Variants in LRP2BP observed in about 807,000 individuals in gnomAD.
LRP2BP encodes the protein LRP2-binding protein.
LRP2BP carries 38 observed loss-of-function variants against 45.2 expected under a neutral mutation model. The observed-to-expected ratio is 0.84, with a 90% CI of 0.65 to 1.10. The LOEUF is 1.10. Ranked by LOEUF, LRP2BP falls within the 50% of genes least tolerant of loss-of-function variation. The pLI, the probability that LRP2BP is intolerant of heterozygous loss-of-function variation, is 0.00. For synonymous variants in LRP2BP, 153 were observed against 153.9 expected (o/e 0.99, Z 0.04); for missense variants, 385 against 418.9 (o/e 0.92, Z 0.71).
At chr4:185,388,464 A>G (rs369152686) in intron 1 of LRP2BP, among the ~76,000 whole-genome samples, 1 of 4,494 alleles carries the variant, frequency 2.2e-4, no homozygotes, top group African/African-American at 4.9e-4. Context: ...TACCTACCTA[A>G]CCTGCCTAAC....
Position 185,377,539 on chromosome 4 carries a change from A to G in LRP2BP, c.107-521T>C, listed in dbSNP as rs865962983. On this transcript the variant is annotated intron_variant, in intron 2 of 8. Coordinates refer to ENST00000505916, the MANE Select transcript of LRP2BP (RefSeq NM_001377440.1). ...ATCTCAAAACAACAACAACAACAAC[A>G]AACAATACTTGTTGATTGGTTTCAC... The G allele has an allele frequency of 1.7e-3, 272 of 164,658 alleles. 2 individuals carry two copies. Among genetic ancestry groups the G allele is most frequent in the African/African-American group, 6.6e-3 (262 of 39,720 alleles). The allele number at this position is 164,658 out of a possible 1,614,324, so 10.2% of individuals were successfully genotyped here.
rs745682254 is a variant in LRP2BP, at chr4:185,395,602, AAC to A, written c.-847_-846del. On this transcript the variant is annotated 5_prime_UTR_variant, in exon 1 of 9. An upstream open reading frame in the 5' UTR gains an earlier in-frame stop. Coordinates refer to ENST00000505916, the MANE Select transcript of LRP2BP (RefSeq NM_001377440.1). ...ATATAAGAACGATTCTATATATTTG[AAC>A]ACACATTTATATTCAAATATTCATA... 2.1e-4 allele frequency: 203 copies of A among 979,728 alleles called. No homozygotes were observed. The highest frequency in any genetic ancestry group is 2.3e-4 in the Non-Finnish European group (189 of 824,802). 60.7% of individuals were successfully genotyped at this position (979,728 alleles called of 1,614,324 possible).
intron 1 of LRP2BP, among the ~76,000 whole-genome samples, chr4:185,384,058 G>C (rs973363147): frequency 1.3e-5 from 2 of 152,160 alleles, no homozygotes; most frequent in African/African-American, 4.8e-5. Context: ...CTTAGAGTGT[G>C]TGTCCCTCCA....
rs1355560960 is a variant in LRP2BP at position 185,367,003 on chromosome 4, G to A, written c.*177C>T. 5.2e-6 allele frequency: 3 copies of A among 576,340 alleles called. No homozygotes were observed. The African/African-American group carries it at 5.6e-5, about 11-fold the overall frequency. 35.7% of individuals were successfully genotyped at this position (576,340 alleles called of 1,614,324 possible). ...TTCCAGCAATTTGACCTTGTGTCTA[G>A]GTTTCAAGTTGCAAAACTTAACAGC... is the stretch of plus-strand genomic sequence containing the variant. On this transcript the variant is annotated 3_prime_UTR_variant, in exon 9 of 9. Coordinates refer to ENST00000505916, the MANE Select transcript of LRP2BP (RefSeq NM_001377440.1).
chr4:185,372,955 C>T lies in LRP2BP; in HGVS notation c.704G>A (p.Arg235Lys). ...QDTEAALQCLREAAERGNVYA... is the reference protein window; with the variant it reads ...QDTEAALQCLKEAAERGNVYA... ...GACGTTTCCGCGTTCTGCTGCTTCT[C>T]TTAAGCACTGCAGGGCAGCTTCCGT... The change falls in exon 7 of 9, where the codon AGA becomes AAA. Residue 235 changes from arginine to lysine, a missense_variant. Physicochemically the swap from Arg to Lys is conservative, Grantham distance 26. Coordinates refer to ENST00000505916, the MANE Select transcript of LRP2BP (RefSeq NM_001377440.1). 6.2e-7 allele frequency: 1 copy of T among 1,614,050 alleles called. No homozygotes were observed. The highest frequency in any genetic ancestry group is 8.5e-7 in the Non-Finnish European group (1 of 1,179,890).
intron 8 of LRP2BP, 58 bp from the exon 9 acceptor site, chr4:185,367,303 C>CTTTT: frequency 3.6e-6 from 4 of 1,105,340 alleles, no homozygotes; most frequent in Non-Finnish European, 3.8e-6. Context: ...GGTCTTTCTT[C>CTTTT]TTTTTTTTTT....
At position 185,376,993 on chromosome 4, in the gene LRP2BP, A is replaced by G; in HGVS notation, c.132T>C (p.Asp44=). The G allele has an allele frequency of 6.2e-7, 1 of 1,613,546 alleles. No individual in the cohort carries two copies. Among genetic ancestry groups the G allele is most frequent in the Non-Finnish European group, 8.5e-7 (1 of 1,179,436 alleles). Reference sequence around the variant, plus strand: ...TTTCCTTCAAGAGCTGCAATGCCTTATCCACCAAATTAGCATGGGTGTAAT... The same window carrying G: ...TTTCCTTCAAGAGCTGCAATGCCTTGTCCACCAAATTAGCATGGGTGTAAT... ...KTDYTHANLV[D]KALQLLKERI... Residue 44 remains aspartate, a synonymous_variant, in exon 3 of 9, where the codon GAT becomes GAC. Coordinates refer to ENST00000505916, the MANE Select transcript of LRP2BP (RefSeq NM_001377440.1).
intron 1 of LRP2BP, among the ~76,000 whole-genome samples, chr4:185,393,595 G>C (rs1019066223): frequency 6.6e-6 from 1 of 151,090 alleles, no homozygotes; most frequent in African/African-American, 2.4e-5. Context: ...GCGCAATCTC[G>C]GCTCACTGCA....
chr4:185,390,491 C>T (rs1260584515), intron 1 of LRP2BP: 1 of 151,384 alleles, frequency 6.6e-6, no homozygotes, highest in African/African-American at 2.4e-5. Flanking sequence ...TGCACTCCAG[C>T]CTGGGTGACA....
chr4:185,391,885 C>T (rs1457235170), intron 1 of LRP2BP, among the ~76,000 whole-genome samples: 1 of 152,170 alleles, frequency 6.6e-6, no homozygotes, highest in Non-Finnish European at 1.5e-5. Context: ...AGAGCTAGGA[C>T]ATATGTATAT....
At position 185,388,141 on chromosome 4, in the gene LRP2BP, G is replaced by A. The variant is rs754961776; in HGVS notation, c.-22+6638C>T. Among the ~76,000 whole-genome samples the A allele has an allele frequency of 5.3e-5, 8 of 152,254 alleles. No individual in the cohort carries two copies. In the East Asian group the frequency reaches 9.7e-4, roughly 18 times the overall value. ...AACCCAGATGATGGAGGAGTTCCAC[G>A]GCGTGTAAGGCAGAGATTCGGACTC... On this transcript the variant is annotated intron_variant, in intron 1 of 8. Coordinates refer to ENST00000505916, the MANE Select transcript of LRP2BP (RefSeq NM_001377440.1).
chr4:185,371,543 A>G, intron 7 of LRP2BP, among the ~76,000 whole-genome samples: 1 of 137,128 alleles, frequency 7.3e-6, no homozygotes. Flanking sequence ...CTCCGTCTAA[A>G]AAAAAAAAAA....
intron 2 of LRP2BP, chr4:185,377,626 A>C (rs1161568723): frequency 6.0e-6 from 1 of 166,424 alleles, no homozygotes; most frequent in African/African-American, 2.4e-5. Context: ...AAGTCTATGC[A>C]TTGGTTTGTC....
chr4:185,377,439 C>G (rs10007747), intron 2 of LRP2BP: 1 of 164,228 alleles, frequency 6.1e-6, no homozygotes, highest in Non-Finnish European at 1.3e-5. Context: ...AATAGCTTGA[C>G]CCCAGGAGGC....
intron 7 of LRP2BP, among the ~76,000 whole-genome samples, chr4:185,372,629 G>A (rs374897963): frequency 2.0e-5 from 3 of 152,202 alleles, no homozygotes; most frequent in African/African-American, 7.2e-5. Flanking sequence ...CTTAAGAGGC[G>A]ACGAGGCCAT....
Position 185,367,257 on chromosome 4 carries a change from A to G in LRP2BP, c.979-12T>C. On this transcript the variant is annotated splice_polypyrimidine_tract_variant and intron_variant, in intron 8 of 8. Coordinates refer to ENST00000505916, the MANE Select transcript of LRP2BP (RefSeq NM_001377440.1). The stretch of plus-strand genomic sequence containing the variant: ...TTCAGACGACAAGCCTTAAAATCAA[A>G]AAGAGTCAGATATTTAGATACATTC... 2 of 1,610,060 alleles carry G rather than the reference A, an allele frequency of 1.2e-6. No homozygotes were observed. The highest frequency in any genetic ancestry group is 1.7e-6 in the Non-Finnish European group (2 of 1,177,274).
upstream of LRP2BP, chr4:185,396,696 G>C (rs1580032019): frequency 1.7e-6 from 1 of 573,160 alleles, no homozygotes; most frequent in South Asian, 2.1e-5. Flanking sequence ...CAGTGTTTGT[G>C]TACGTGCGGC....
At chr4:185,387,641 TCTG>T (rs1338149337) in intron 1 of LRP2BP, among the ~76,000 whole-genome samples, 1 of 152,242 alleles carries the variant, frequency 6.6e-6, no homozygotes, top group Non-Finnish European at 1.5e-5. Context: ...TCTCAAATTT[TCTG>T]TAATAATATT....
chr4:185,367,366 A>T (rs1440510572), intron 8 of LRP2BP, 121 bp from the exon 9 acceptor site: 1 of 828,340 alleles, frequency 1.2e-6, no homozygotes, highest in Admixed American at 2.8e-5. Flanking sequence ...ATTTCAAGAA[A>T]ATTTGTTAAG....
Sources: allele counts gnomAD v4.1 joint callset (sites outside exome capture counted in the v4.1 genomes callset), GRCh38; gene constraint gnomAD v4.1.1; transcripts MANE v1.5; gene names NCBI Gene and HGNC (gene_info 2026-07-23, HGNC 2026-07-21).